The following GGTLC2 variants were observed in gnomAD, a reference collection of about 807,000 sequenced individuals.
GGTLC2 encodes gamma-glutamyltransferase light chain 2, also known as glutathione hydrolase light chain 2.
A neutral mutation model predicts 20.2 loss-of-function variants in GGTLC2; 13 were observed. That is an observed-to-expected ratio of 0.64 (90% CI 0.42 to 1.02). The LOEUF is 1.02. GGTLC2 is among the 50% of genes least tolerant of loss of function. GGTLC2 has a pLI of 0.00. For synonymous variants in GGTLC2, 89 were observed against 125.5 expected (o/e 0.71, Z 1.94); for missense variants, 202 against 301.3 (o/e 0.67, Z 2.44).
chr22:22,646,814 C>T lies in GGTLC2; in HGVS notation c.237C>T (p.Asp79=), dbSNP rs1053329008. 8 of 1,612,926 alleles carry T rather than the reference C, an allele frequency of 5.0e-6. No homozygotes were observed. The highest frequency in any genetic ancestry group is 1.3e-5 in the African/African-American group (1 of 74,776). The change falls in exon 3 of 6, where the codon GAC becomes GAT. Residue 79 remains aspartate (D), a synonymous_variant. Transcript: ENST00000448514. ...TCCTGTTCAATGATGAAATGGATGA[C>T]TTCAGCTCTCCCAACATCACCAACG... is the stretch of plus-strand genomic sequence containing the variant. ...SEILFNDEMD[D]FSSPNITNEF... is the part of the protein sequence containing the mutation.
rs574216480 is a variant in GGTLC2 at position 22,646,262 on chromosome 22, G to A, written c.-34-50G>A. Reference sequence around the variant, plus strand: ...GTTGTGGTCAGAGCCACAGTCAGGGGCCTTCTGAGACCTGTGTCCCCTCCC... The same window carrying A: ...GTTGTGGTCAGAGCCACAGTCAGGGACCTTCTGAGACCTGTGTCCCCTCCC... On this transcript the variant is annotated intron_variant, in intron 1 of 5. Coordinates refer to ENST00000448514, the MANE Select transcript of GGTLC2 (RefSeq NM_199127.3). The A allele has an allele frequency of 9.0e-6, 13 of 1,444,258 alleles. No homozygotes were observed. In the East Asian group the frequency reaches 2.1e-4, roughly 23 times the overall value. 89.5% of individuals were successfully genotyped at this position (1,444,258 alleles called of 1,614,324 possible).
chr22:22,644,992 A>T (rs907463654), intron 1 of GGTLC2, among the ~76,000 whole-genome samples: 8 of 122,258 alleles, frequency 6.5e-5, no homozygotes, highest in African/African-American at 2.7e-4. Flanking sequence ...TACCGGGTTC[A>T]CGCCATTCTC....
At chr22:22,647,502 G>C in intron 5 of GGTLC2, 93 bp from the exon 6 acceptor site, 1 of 1,593,298 alleles carries the variant, frequency 6.3e-7, no homozygotes, top group South Asian at 1.1e-5. Context: ...GGCCCGAAAT[G>C]GCACCACCTG....
chr22:22,645,401 T>G (rs1041928645), intron 1 of GGTLC2, among the ~76,000 whole-genome samples: 36 of 143,218 alleles, frequency 2.5e-4, no homozygotes, highest in Non-Finnish European at 3.4e-4. Flanking sequence ...CCATGCTTAT[T>G]TATTTATTTT....
intron 1 of GGTLC2, among the ~76,000 whole-genome samples, chr22:22,645,102 C>G (rs907178766): frequency 1.2e-4 from 14 of 120,312 alleles, no homozygotes; most frequent in Non-Finnish European, 2.3e-4. Flanking sequence ...CCGTGTTAGC[C>G]AGGATGATCT....
Position 22,647,286 on chromosome 22 carries a change from A to C in GGTLC2, c.506A>C (p.Asp169Ala). The C allele has an allele frequency of 6.2e-7, 1 of 1,610,188 alleles. No homozygotes were observed. ...GTCACGACAGTGGAGAGAAACATTGACCAGGTGGGCCGGGGGTTGGAGAAA... is the reference window on the plus strand; with the variant it reads ...GTCACGACAGTGGAGAGAAACATTGCCCAGGTGGGCCGGGGGTTGGAGAAA... ...PNVTTVERNI[D>A]QAVTAALETR... Residue 169 changes from aspartate to alanine, a missense_variant, in exon 5 of 6, where the codon GAC becomes GCC. Asp to Ala is a moderately radical substitution (Grantham distance 126). Coordinates refer to ENST00000448514, the MANE Select transcript of GGTLC2 (RefSeq NM_199127.3).
intron 5 of GGTLC2, 139 bp downstream of exon 5, chr22:22,647,429 G>C: frequency 2.3e-6 from 3 of 1,288,378 alleles, no homozygotes; most frequent in Non-Finnish European, 2.2e-6. Context: ...CCTGTGCCAT[G>C]AGGGCCAAGC....
At position 22,646,307 on chromosome 22, in the gene GGTLC2, C is replaced by T. The variant is rs371198953; in HGVS notation, c.-34-5C>T. The T allele has an allele frequency of 2.4e-6, 3 of 1,238,940 alleles. No individual in the cohort carries two copies. The highest frequency in any genetic ancestry group is 1.6e-5 in the African/African-American group (1 of 64,220). The allele number at this position is 1,238,940 out of a possible 1,614,324, so 76.7% of individuals were successfully genotyped here. On this transcript the variant is annotated splice_region_variant and splice_polypyrimidine_tract_variant and intron_variant, in intron 1 of 5. Transcript: ENST00000448514. ...CCTCCCCACCCTCCCTCCCCACCTC[C>T]TCAGGCCAGCTCTGGGGTCTCGGCA...
chr22:22,645,241 G>C (rs1301945741), intron 1 of GGTLC2, among the ~76,000 whole-genome samples: 3 of 150,960 alleles, frequency 2.0e-5, no homozygotes, highest in African/African-American at 7.3e-5. Flanking sequence ...CATTTTCTTC[G>C]GCCTTCGGGT....
At position 22,646,563 on chromosome 22, in the gene GGTLC2, C is replaced by T. The variant is rs759068902; in HGVS notation, c.176+42C>T. 148 of 1,430,566 alleles carry T rather than the reference C, an allele frequency of 1.0e-4. No individual in the cohort carries two copies. In the East Asian group the frequency reaches 1.1e-3, roughly 11 times the overall value. The allele number at this position is 1,430,566 out of a possible 1,614,324, so 88.6% of individuals were successfully genotyped here. ...CGCCTGGGTGGGAAAGGGCCAGGGG[C>T]GGGTGGCCCAGGGACTGCCCACTTA... On this transcript the variant is annotated intron_variant, in intron 2 of 5. Coordinates refer to ENST00000448514, the MANE Select transcript of GGTLC2 (RefSeq NM_199127.3).
chr22:22,646,758 G>C lies in GGTLC2; in HGVS notation c.181G>C (p.Gly61Arg). The change falls in exon 3 of 6, where the codon GGC (glycine) becomes CGC (arginine). Residue 61 changes from glycine to arginine, a missense_variant. Physicochemically the swap from Gly to Arg is moderately radical, Grantham distance 125. Coordinates refer to ENST00000448514, the MANE Select transcript of GGTLC2 (RefSeq NM_199127.3). ...TCTGACCTGGCTGGGCGGTAGCTTT[G>C]GCTCCAAGGTCCGCTCCCCGGTCAG... ...SATSTINLYFGSKVRSPVSEI... is the reference protein window; with the variant it reads ...SATSTINLYFRSKVRSPVSEI... 1 of 1,609,996 alleles carries C rather than the reference G, an allele frequency of 6.2e-7. No individual in the cohort carries two copies. Among genetic ancestry groups the C allele is most frequent in the Non-Finnish European group, 8.5e-7 (1 of 1,178,280 alleles).
Position 22,647,165 on chromosome 22 carries a change from C to T in GGTLC2, c.385C>T (p.Pro129Ser), listed in dbSNP as rs372420836. 1.1e-5 allele frequency: 18 copies of T among 1,611,614 alleles called. No individual in the cohort carries two copies. In the Middle Eastern group the frequency reaches 1.1e-3, roughly 101 times the overall value. The change falls in exon 5 of 6, where the codon CCC becomes TCC. Residue 129 changes from proline to serine, a missense_variant. Pro to Ser is a moderately conservative substitution (Grantham distance 74). Transcript: ENST00000448514. ...GQPPSHADHT[P>S]MPQAIIYNLW... ...GCCCCCAAGCCATGCTGATCACACTCCCATGCCCCAGGCCATCATCTACAA... is the reference window on the plus strand; with the variant it reads ...GCCCCCAAGCCATGCTGATCACACTTCCATGCCCCAGGCCATCATCTACAA...
At chr22:22,647,067 G>A (rs759629780) in intron 4 of GGTLC2, 29 bp downstream of exon 4, 5 of 1,611,520 alleles carry the variant, frequency 3.1e-6, no homozygotes, top group East Asian at 2.2e-5. Context: ...GCTGCTGGGG[G>A]CACACAGATC....
At chr22:22,644,961 G>A (rs897199836) in intron 1 of GGTLC2, among the ~76,000 whole-genome samples, 1 of 107,026 alleles carries the variant, frequency 9.3e-6, no homozygotes, top group Non-Finnish European at 1.8e-5. Flanking sequence ...CCTGATCTCT[G>A]GGCTCACCGC....
intron 4 of GGTLC2, 42 bp downstream of exon 4, chr22:22,647,080 C>T: frequency 6.2e-7 from 1 of 1,611,708 alleles, no homozygotes; most frequent in Non-Finnish European, 8.5e-7. Context: ...CACAGATCAC[C>T]ACAGCCACTG....
chr22:22,647,409 A>T (rs2064137547), intron 5 of GGTLC2, 119 bp downstream of exon 5: 1 of 1,545,272 alleles, frequency 6.5e-7, no homozygotes, highest in Non-Finnish European at 8.8e-7. Context: ...TGCCTGGGCC[A>T]TCTGGAGCCC....
chr22:22,645,960 C>G lies in GGTLC2; in HGVS notation c.-34-352C>G, dbSNP rs1170448893. Reference sequence around the variant, plus strand: ...CCTGGCTTGTGGTTTCAGCACTTTCCCTGTGTGTGTTTGTTTTTCTTGGCA... The same window carrying G: ...CCTGGCTTGTGGTTTCAGCACTTTCGCTGTGTGTGTTTGTTTTTCTTGGCA... On this transcript the variant is annotated intron_variant, in intron 1 of 5. Coordinates refer to ENST00000448514, the MANE Select transcript of GGTLC2 (RefSeq NM_199127.3). The G allele has an allele frequency of 2.0e-5, 7 of 348,910 alleles. No individual in the cohort carries two copies. The East Asian group carries it at 2.9e-4, about 15-fold the overall frequency. 21.6% of individuals were successfully genotyped at this position (348,910 alleles called of 1,614,324 possible).
intron 1 of GGTLC2, chr22:22,645,965 G>A: frequency 2.8e-6 from 1 of 355,742 alleles, no homozygotes; most frequent in Non-Finnish European, 5.3e-6. Flanking sequence ...CTTTCCCTGT[G>A]TGTGTTTGTT....
chr22:22,646,875 C>T lies in GGTLC2; in HGVS notation c.298C>T (p.Gln100Ter), dbSNP rs753712082. The change falls in exon 3 of 6, where the codon CAG becomes TAG. Residue 100 changes from glutamine to a stop codon, truncating the protein, a stop_gained. Coordinates refer to ENST00000448514, the MANE Select transcript of GGTLC2 (RefSeq NM_199127.3). LOFTEE classifies it high-confidence loss of function. ...GVPPSPANFI[Q>*]PGKQPLSSMC... is the part of the protein sequence containing the mutation. ...GCCCCCCTCACCTGCCAATTTCATC[C>T]AGCCAGGTATGGGGTGGAGGTCTGG... The T allele has an allele frequency of 1.2e-6, 2 of 1,612,678 alleles. No individual in the cohort carries two copies. Among genetic ancestry groups the T allele is most frequent in the Non-Finnish European group, 1.7e-6 (2 of 1,179,590 alleles).
Sources: gnomAD v4.1 joint callset for allele counts (sites outside exome capture counted in the v4.1 genomes callset) on GRCh38, gnomAD v4.1.1 for gene constraint, MANE v1.5 for transcripts, NCBI Gene and HGNC (gene_info 2026-07-23, HGNC 2026-07-21) for gene names.